Variants in PCBP3 observed in about 807,000 individuals in gnomAD.
PCBP3 encodes the protein poly(rC)-binding protein 3.
A neutral mutation model predicts 52.7 loss-of-function variants in PCBP3; 25 were observed. The ratio of observed to expected loss-of-function variants is 0.47; its 90% confidence interval spans 0.35 to 0.66. The LOEUF is 0.66. Among genes scored for constraint, PCBP3 ranks in the 30% least tolerant of loss-of-function variants. The probability of loss-of-function intolerance (pLI) is 0.01; values close to 1 mark genes in which losing one functional copy is unlikely to be tolerated. For synonymous variants in PCBP3, 162 were observed against 183.0 expected, an observed-to-expected ratio of 0.89 and a Z score of 0.93; for missense variants, 391 against 490.3, an observed-to-expected ratio of 0.80 and a Z score of 1.91.
chr21:45,699,305 T>G (rs1028833835), intron 2 of PCBP3, among the ~76,000 whole-genome samples: 2 of 152,216 alleles, frequency 1.3e-5, no homozygotes, highest in Non-Finnish European at 2.9e-5. Context: ...GGAGACCTTT[T>G]GTGGAGGGCA....
Position 45,917,802 on chromosome 21 carries a change from T to G in PCBP3, c.717+173T>G. On this transcript the variant is annotated intron_variant, in intron 13 of 17. Coordinates refer to ENST00000681687, the MANE Select transcript of PCBP3 (RefSeq NM_001384156.1). This position sits in a 1 kb window ranked among gnomAD's most constrained non-coding sequence, Gnocchi z 5.3. ...GACCTCGAATAACCTTTTAACCTCTTAGCACTAATTCTGCTTGTGTTGAGG... is the reference window on the plus strand; with the variant it reads ...GACCTCGAATAACCTTTTAACCTCTGAGCACTAATTCTGCTTGTGTTGAGG... The G allele has an allele frequency of 1.5e-6, 1 of 663,562 alleles. No individual in the cohort carries two copies. Among genetic ancestry groups the G allele is most frequent in the Admixed American group, 2.1e-5 (1 of 48,352 alleles). The allele number at this position is 663,562 out of a possible 1,614,324, so 41.1% of individuals were successfully genotyped here. A position where few individuals can be genotyped will look rare whatever the true frequency, so the allele number is the denominator to read the frequency against.
At chr21:45,854,183 C>T (rs545904924) in intron 5 of PCBP3, among the ~76,000 whole-genome samples, 1 of 152,278 alleles carries the variant, frequency 6.6e-6, no homozygotes, top group South Asian at 2.1e-4. Context: ...CCAGCCTGGA[C>T]TTGCAGGCTC....
intron 4 of PCBP3, among the ~76,000 whole-genome samples, chr21:45,778,154 T>G (rs752192030): frequency 3.9e-5 from 6 of 152,200 alleles, no homozygotes; most frequent in Non-Finnish European, 8.8e-5. Context: ...CATGCAGTAG[T>G]GAAGTCTCTG....
intron 3 of PCBP3, among the ~76,000 whole-genome samples, chr21:45,740,987 T>C (rs577312312): frequency 8.5e-5 from 13 of 152,298 alleles, no homozygotes; most frequent in African/African-American, 3.1e-4. Context: ...GGTTCCTCCC[T>C]GGAAGGTGAC....
chr21:45,929,403 G>A (rs2075884110), intron 13 of PCBP3, among the ~76,000 whole-genome samples: 1 of 152,232 alleles, frequency 6.6e-6, no homozygotes, highest in African/African-American at 2.4e-5. Flanking sequence ...CATGGGTAAA[G>A]CAAGGCCCTG....
At chr21:45,918,076 A>AAT in intron 13 of PCBP3, 1 of 237,750 alleles carries the variant, frequency 4.2e-6, no homozygotes, top group Non-Finnish European at 8.4e-6. Context: ...TCCCCCTTTC[A>AAT]GAGTCCACAT....
chr21:45,879,223 G>A (rs897710857), intron 5 of PCBP3, among the ~76,000 whole-genome samples: 1 of 152,090 alleles, frequency 6.6e-6, no homozygotes, highest in South Asian at 2.1e-4. Flanking sequence ...ACACTCAAGC[G>A]ATCTGCCTAC....
Position 45,755,147 on chromosome 21 carries a change from C to G in PCBP3, c.-161-270C>G, listed in dbSNP as rs2087910711. Among the ~76,000 whole-genome samples, 3 of 152,208 alleles carry G rather than the reference C, an allele frequency of 2.0e-5. No homozygotes were observed. The South Asian group carries it at 6.2e-4, about 32-fold the overall frequency. On this transcript the variant is annotated intron_variant, in intron 3 of 17. Transcript: ENST00000681687. ...ACCCTTCTGAAGCCCCTGACAATCGCTGATCTGTTTAACTGCAGCTCTGCC... is the reference window on the plus strand; with the variant it reads ...ACCCTTCTGAAGCCCCTGACAATCGGTGATCTGTTTAACTGCAGCTCTGCC...
At chr21:45,846,127 C>T (rs1359680724) in intron 4 of PCBP3, among the ~76,000 whole-genome samples, 1 of 152,190 alleles carries the variant, frequency 6.6e-6, no homozygotes, top group Non-Finnish European at 1.5e-5. Context: ...CGGGTCACTG[C>T]AGGAATGTGT....
intron 4 of PCBP3, among the ~76,000 whole-genome samples, chr21:45,826,103 A>G (rs1021676740): frequency 2.0e-5 from 3 of 152,130 alleles, no homozygotes; most frequent in Non-Finnish European, 4.4e-5. Context: ...TACTAAAAAT[A>G]CAAAATTAGC....
chr21:45,893,959 A>T, intron 5 of PCBP3: 1 of 985,500 alleles, frequency 1.0e-6, no homozygotes, highest in Non-Finnish European at 1.2e-6. Flanking sequence ...GCTGGGAAGG[A>T]CAGCAGCAGC....
chr21:45,914,102 C>T (rs2096458368), intron 12 of PCBP3, 77 bp downstream of exon 12: 1 of 1,608,198 alleles, frequency 6.2e-7, no homozygotes, highest in African/African-American at 1.3e-5. Flanking sequence ...CCCGTTAGTG[C>T]ACTCAGGTTT....
chr21:45,678,004 T>C (rs1345871666), intron 2 of PCBP3, among the ~76,000 whole-genome samples: 1 of 152,146 alleles, frequency 6.6e-6, no homozygotes, highest in Non-Finnish European at 1.5e-5. Flanking sequence ...CTGCAAGCCA[T>C]GGGTCAAGGA....
intron 1 of PCBP3, among the ~76,000 whole-genome samples, chr21:45,647,283 T>C (rs2146725822): frequency 6.6e-6 from 1 of 152,348 alleles, no homozygotes; most frequent in East Asian, 1.9e-4. Flanking sequence ...TCATCCAAGC[T>C]TCAGAAATAC....
intron 2 of PCBP3, among the ~76,000 whole-genome samples, chr21:45,685,130 A>G (rs1222456862): frequency 6.6e-6 from 1 of 152,248 alleles, no homozygotes; most frequent in East Asian, 1.9e-4. Context: ...GAGAGGTGAA[A>G]TAAGCCAGTC....
intron 2 of PCBP3, among the ~76,000 whole-genome samples, chr21:45,679,333 C>G (rs2081680978): frequency 6.6e-6 from 1 of 152,058 alleles, no homozygotes; most frequent in Non-Finnish European, 1.5e-5. Flanking sequence ...GTTGGCCAGG[C>G]TGGTCTCGAA....
At chr21:45,669,823 A>C (rs1210358685) in intron 2 of PCBP3, among the ~76,000 whole-genome samples, 1 of 126,844 alleles carries the variant, frequency 7.9e-6, no homozygotes, top group Non-Finnish European at 1.7e-5. Flanking sequence ...ATATATATAT[A>C]TATATATATA....
intron 2 of PCBP3, among the ~76,000 whole-genome samples, chr21:45,677,640 G>T (rs943249010): frequency 1.2e-4 from 18 of 152,168 alleles, no homozygotes; most frequent in African/African-American, 4.1e-4. Flanking sequence ...GTCAATGCCT[G>T]GCTTCAAAGC....
chr21:45,810,626 G>C (rs774888008), intron 4 of PCBP3, among the ~76,000 whole-genome samples: 2 of 152,102 alleles, frequency 1.3e-5, no homozygotes, highest in South Asian at 4.1e-4. Context: ...GGTCATGAGA[G>C]ACACTTTCAT....
Sources: gnomAD v4.1 joint callset for allele counts (sites outside exome capture counted in the v4.1 genomes callset) on GRCh38, gnomAD v4.1.1 for gene constraint, Gnocchi (gnomAD v3.1) non-coding constraint, MANE v1.5 for transcripts, NCBI Gene and HGNC (gene_info 2026-07-23, HGNC 2026-07-21) for gene names.